FUNDC2: variants seen among roughly 807,000 people sequenced by gnomAD.
The protein encoded by FUNDC2 is FUN14 domain-containing protein 2.
FUNDC2 carries 4 observed loss-of-function variants against 15.6 expected under a neutral mutation model. That is an observed-to-expected ratio of 0.26 (90% CI 0.13 to 0.59). The LOEUF (loss-of-function observed/expected upper bound fraction) is 0.59, where lower values mean the gene tolerates loss of function less well. Ranked by LOEUF, FUNDC2 falls within the 20% of genes least tolerant of loss-of-function variation. FUNDC2 has a pLI of 0.90. For missense variants in FUNDC2, 98 were observed against 149.7 expected (o/e 0.65, Z 1.80); for synonymous variants, 44 against 56.9 (o/e 0.77, Z 1.02).
chrX:155,032,823 T>A, intron 1 of FUNDC2, among the ~76,000 whole-genome samples: 1 of 111,905 alleles, frequency 8.9e-6, no homozygotes, highest in Non-Finnish European at 1.9e-5. Context: ...GATGCATTAC[T>A]GGCAGTTTTT....
intron 1 of FUNDC2, among the ~76,000 whole-genome samples, chrX:155,027,626 G>A (rs1485935086): frequency 9.0e-6 from 1 of 111,667 alleles, no homozygotes; most frequent in Non-Finnish European, 1.9e-5. Flanking sequence ...ACTGACTCAC[G>A]GGATCCCATT....
chrX:155,049,693 T>C (rs1475377070), intron 3 of FUNDC2: 1 of 112,427 alleles, frequency 8.9e-6, no homozygotes, highest in East Asian at 2.8e-4. Flanking sequence ...GGGCATCATT[T>C]CTGTGTTGAG....
At chrX:155,027,682 T>C (rs1409639455) in intron 1 of FUNDC2, among the ~76,000 whole-genome samples, 1 of 112,013 alleles carries the variant, frequency 8.9e-6, no homozygotes, top group Non-Finnish European at 1.9e-5. Context: ...AAACGTAAAA[T>C]TACGTAAATT....
In FUNDC2 at chrX:155,055,521, G is replaced by A. The variant is rs111452556; in HGVS notation, c.*849G>A. The A allele has an allele frequency of 2.3e-4, 63 of 279,061 alleles. No individual in the cohort carries two copies. The highest frequency in any genetic ancestry group is 1.0e-3 in the Admixed American group (16 of 15,500). 23.0% of individuals were successfully genotyped at this position (279,061 alleles called of 1,213,427 possible). ...AAAGAAGTAGCTTTCCAGGGATTCAGAATTAAGAAAGATAGTGATAGGACA... is the reference window on the plus strand; with the variant it reads ...AAAGAAGTAGCTTTCCAGGGATTCAAAATTAAGAAAGATAGTGATAGGACA... On this transcript the variant is annotated 3_prime_UTR_variant, in exon 5 of 5. Coordinates refer to ENST00000369498, the MANE Select transcript of FUNDC2 (RefSeq NM_023934.4).
In FUNDC2 at chrX:155,057,029, GTTGGCCT is replaced by G. The variant is rs1385120472; in HGVS notation, c.*2358_*2364del. On this transcript the variant is annotated 3_prime_UTR_variant, in exon 5 of 5. Coordinates refer to ENST00000369498, the MANE Select transcript of FUNDC2 (RefSeq NM_023934.4). ...GTCATGGTTGAGGTCAGTATTGCAG[GTTGGCCT>G]CATCCTGCTAGTATGAGAACGGCTG... is the stretch of plus-strand genomic sequence containing the variant. 4 of 98,214 alleles carry G rather than the reference GTTGGCCT, an allele frequency of 4.1e-5. No individual in the cohort carries two copies. The highest frequency in any genetic ancestry group is 8.6e-5 in the Non-Finnish European group (4 of 46,723). 8.1% of individuals were successfully genotyped at this position (98,214 alleles called of 1,213,427 possible). A position where few individuals can be genotyped will look rare whatever the true frequency, so the allele number is the denominator to read the frequency against.
intron 1 of FUNDC2, 135 bp downstream of exon 1, chrX:155,027,206 C>G (rs938684202): frequency 1.4e-6 from 1 of 700,880 alleles, no homozygotes; most frequent in African/African-American, 2.3e-5. Context: ...GGGGAGGGCG[C>G]TCGGGGATCG....
At chrX:155,028,118 G>GACTTTTATAAGAGCA (rs1557288459) in intron 1 of FUNDC2, among the ~76,000 whole-genome samples, 1 of 111,457 alleles carries the variant, frequency 9.0e-6, no homozygotes, top group African/African-American at 3.3e-5. Context: ...TGCTCTTATA[G>GACTTTTATAAGAGCA]GTTGATCAGG....
chrX:155,039,813 G>A (rs1006757896), intron 2 of FUNDC2, among the ~76,000 whole-genome samples: 5 of 111,722 alleles, frequency 4.5e-5, no homozygotes, highest in South Asian at 3.7e-4. Context: ...GCTGAAGATT[G>A]CTTTGGCTAT....
rs1569560311 is a variant in FUNDC2 at position 155,057,060 on chromosome X, TGTGAGTTCTGCCCACGGTGTGAGGC to T, written c.*2389_*2413del. On this transcript the variant is annotated 3_prime_UTR_variant, in exon 5 of 5. Transcript: ENST00000369498. ...CTCATCCTGCTAGTATGAGAACGGC[TGTGAGTTCTGCCCACGGTGTGAGGC>T]CACTGTGACCACTTGGGATTGTGCA... 0.027 allele frequency: 2,780 copies of T among 104,343 alleles called. 67 individuals are homozygous for T. The highest frequency in any genetic ancestry group is 0.044 in the Non-Finnish European group (2,179 of 49,172). 8.6% of individuals were successfully genotyped at this position (104,343 alleles called of 1,213,427 possible).
In FUNDC2 at chrX:155,051,819, C is replaced by G; in HGVS notation, c.492+18C>G. The stretch of plus-strand genomic sequence containing the variant: ...CTGAGGAGGTGAGACTTGCATTGTT[C>G]ACGTGTAGTGTGTGAACAGTGCAGA... On this transcript the variant is annotated intron_variant, in intron 4 of 4. Transcript: ENST00000369498. 3 of 1,208,707 alleles carry G rather than the reference C, an allele frequency of 2.5e-6. No individual in the cohort carries two copies. The highest frequency in any genetic ancestry group is 2.2e-6 in the Non-Finnish European group (2 of 892,956).
chrX:155,028,118 G>GAC (rs1557288459), intron 1 of FUNDC2, among the ~76,000 whole-genome samples: 43 of 111,260 alleles, frequency 3.9e-4, no homozygotes, highest in African/African-American at 1.0e-3. Context: ...TGCTCTTATA[G>GAC]GTTGATCAGG....
intron 3 of FUNDC2, chrX:155,050,730 G>A (rs782144482): frequency 9.0e-5 from 10 of 111,699 alleles, no homozygotes; most frequent in African/African-American, 3.3e-4. Flanking sequence ...TTTCCTTTTT[G>A]TGGACACTTT....
At position 155,026,911 on chromosome X, in the gene FUNDC2, C is replaced by T. The variant is rs1355983941; in HGVS notation, c.-28C>T. ...CTGCAAGCAGCCGCGGCGCGCCCGG[C>T]CCTCCCTCTTCCGCTGCCGCCGTGG... On this transcript the variant is annotated 5_prime_UTR_variant, in exon 1 of 5. Transcript: ENST00000369498. The T allele has an allele frequency of 2.6e-6, 3 of 1,170,965 alleles. No individual in the cohort carries two copies. Among genetic ancestry groups the T allele is most frequent in the African/African-American group, 1.8e-5 (1 of 56,217 alleles).
chrX:155,027,373 G>A (rs1214943685), intron 1 of FUNDC2: 3 of 180,700 alleles, frequency 1.7e-5, no homozygotes, highest in Middle Eastern at 1.8e-3. Flanking sequence ...CTCGGAAGCG[G>A]TCTGGCTTCT....
chrX:155,040,340 T>C (rs1473207436), intron 2 of FUNDC2, among the ~76,000 whole-genome samples: 1 of 112,048 alleles, frequency 8.9e-6, no homozygotes, highest in Non-Finnish European at 1.9e-5. Flanking sequence ...CTCCTAATTC[T>C]TCCTTCCTAC....
intron 3 of FUNDC2, chrX:155,051,398 A>G (rs2073879156): frequency 3.6e-6 from 1 of 275,558 alleles, no homozygotes; most frequent in African/African-American, 2.7e-5. Context: ...CCCCACCTTG[A>G]TTTTCATCTT....
At chrX:155,045,770 A>C (rs782267050) in intron 2 of FUNDC2, among the ~76,000 whole-genome samples, 87 of 111,687 alleles carry the variant, frequency 7.8e-4, no homozygotes, top group African/African-American at 2.7e-3. Context: ...GGATTTTTTC[A>C]ACAATGGTTA....
At chrX:155,054,484 A>G in intron 4 of FUNDC2, 111 bp from the exon 5 acceptor site, 4 of 1,154,667 alleles carry the variant, frequency 3.5e-6, no homozygotes, top group Non-Finnish European at 4.6e-6. Context: ...AAATTACGTA[A>G]CCGATGAGGG....
At chrX:155,033,122 C>G in intron 1 of FUNDC2, 1 of 182,852 alleles carries the variant, frequency 5.5e-6, no homozygotes, top group Non-Finnish European at 1.0e-5. Context: ...GCTGGGATTA[C>G]AGGCGTGAGC....
Sources: allele counts gnomAD v4.1 joint callset (sites outside exome capture counted in the v4.1 genomes callset), GRCh38; gene constraint gnomAD v4.1.1; transcripts MANE v1.5; gene names NCBI Gene and HGNC (gene_info 2026-07-23, HGNC 2026-07-21).